ADGRL1: variants seen among roughly 807,000 people sequenced by gnomAD.
The protein encoded by ADGRL1 is adhesion G protein-coupled receptor L1.
A neutral mutation model predicts 148.9 loss-of-function variants in ADGRL1; 31 were observed. That is an observed-to-expected ratio of 0.21 (90% CI 0.16 to 0.28). ADGRL1 has a LOEUF of 0.28. ADGRL1 is among the 10% of genes least tolerant of loss of function. The pLI, the probability that ADGRL1 is intolerant of heterozygous loss-of-function variation, is 1.00. For synonymous variants in ADGRL1, 937 were observed against 900.3 expected (o/e 1.04, Z -0.73); for missense variants, 1,521 against 2,058.8 (o/e 0.74, Z 5.05).
chr19:14,152,082 T>A lies in ADGRL1; in HGVS notation c.3667+51A>T. 6.4e-7 allele frequency: 1 copy of A among 1,559,184 alleles called. No individual in the cohort carries two copies. The highest frequency in any genetic ancestry group is 8.9e-7 in the Non-Finnish European group (1 of 1,129,870). ...GTGAGGCCGTCTGAGAAGGCCACTG[T>A]CTGTCCCTCTCCCAGCCTCAGAAAC... On this transcript the variant is annotated intron_variant, in intron 22 of 22. Coordinates refer to ENST00000361434, the MANE Select transcript of ADGRL1 (RefSeq NM_014921.5). This position sits in a 1 kb window ranked among gnomAD's most constrained non-coding sequence, Gnocchi z 6.1.
At chr19:14,195,005 C>G (rs1452077141) in intron 1 of ADGRL1, among the ~76,000 whole-genome samples, 1 of 152,034 alleles carries the variant, frequency 6.6e-6, no homozygotes, top group Non-Finnish European at 1.5e-5. Context: ...CCAGCTCAGC[C>G]TCCCGAGTAG....
intron 4 of ADGRL1, among the ~76,000 whole-genome samples, chr19:14,167,609 C>T (rs1970099843): frequency 6.6e-6 from 1 of 152,148 alleles, no homozygotes; most frequent in South Asian, 2.1e-4. Context: ...TTATGCTGGC[C>T]TCACCCAGGT....
chr19:14,204,552 A>G (rs1242461057), intron 1 of ADGRL1, among the ~76,000 whole-genome samples: 2 of 152,020 alleles, frequency 1.3e-5, no homozygotes, highest in Non-Finnish European at 2.9e-5. Context: ...CTGTCCCCAA[A>G]CAGCATGGAG....
At chr19:14,180,198 C>A (rs939314551) in intron 2 of ADGRL1, among the ~76,000 whole-genome samples, 1 of 152,128 alleles carries the variant, frequency 6.6e-6, no homozygotes, top group African/African-American at 2.4e-5. Flanking sequence ...AAGGGAGTAA[C>A]TGGAAACTCC....
chr19:14,194,850 GTCTT>G (rs1443207663), intron 1 of ADGRL1, among the ~76,000 whole-genome samples: 1 of 151,038 alleles, frequency 6.6e-6, no homozygotes, highest in Non-Finnish European at 1.5e-5. Context: ...CACCTTATTT[GTCTT>G]TCTTTTTTCT....
At chr19:14,165,682 G>A (rs1969890384) in intron 4 of ADGRL1, among the ~76,000 whole-genome samples, 1 of 151,602 alleles carries the variant, frequency 6.6e-6, no homozygotes, top group Non-Finnish European at 1.5e-5. Context: ...GGGAGGGAGA[G>A]AGACTCCAGG....
At chr19:14,169,523 G>A (rs1043540313) in intron 4 of ADGRL1, 11 of 152,240 alleles carry the variant, frequency 7.2e-5, no homozygotes, top group African/African-American at 2.7e-4. Flanking sequence ...GGTGGCTGAA[G>A]GCCTCAAGCG....
chr19:14,170,792 CT>C lies in ADGRL1; in HGVS notation c.285-2del. 2.6e-6 allele frequency: 4 copies of C among 1,523,842 alleles called. No homozygotes were observed. The highest frequency in any genetic ancestry group is 3.6e-6 in the Non-Finnish European group (4 of 1,100,258). 94.4% of individuals were successfully genotyped at this position (1,523,842 alleles called of 1,614,324 possible). A position where few individuals can be genotyped will look rare whatever the true frequency, so the allele number is the denominator to read the frequency against. ...CACGCACTGGGTGCGGTTGTTACAC[CT>C]TCAGAGGAGAAACAGGGCATTGGGA... On this transcript the variant is annotated splice_acceptor_variant, in intron 3 of 22. Coordinates refer to ENST00000361434, the MANE Select transcript of ADGRL1 (RefSeq NM_014921.5). LOFTEE classifies it high-confidence loss of function.
At chr19:14,197,495 C>T (rs1972335376) in intron 1 of ADGRL1, among the ~76,000 whole-genome samples, 1 of 152,134 alleles carries the variant, frequency 6.6e-6, no homozygotes, top group South Asian at 2.1e-4. Flanking sequence ...CTCCATGGCT[C>T]CCTATTGCCT....
At chr19:14,180,505 C>G (rs1971118973) in intron 2 of ADGRL1, among the ~76,000 whole-genome samples, 1 of 152,076 alleles carries the variant, frequency 6.6e-6, no homozygotes. Context: ...ATCCGCCCGC[C>G]TGAGCCTCCC....
chr19:14,199,697 G>T, intron 1 of ADGRL1, among the ~76,000 whole-genome samples: 1 of 152,110 alleles, frequency 6.6e-6, no homozygotes, highest in South Asian at 2.1e-4. Context: ...GGGATTACAG[G>T]CACGAGCTAC....
chr19:14,202,207 C>A (rs961752429), intron 1 of ADGRL1, among the ~76,000 whole-genome samples: 1 of 151,974 alleles, frequency 6.6e-6, no homozygotes, highest in African/African-American at 2.4e-5. Flanking sequence ...GACACACATG[C>A]CTTCTCCCCA....
At chr19:14,191,622 G>A (rs932891395) in intron 1 of ADGRL1, 16 of 382,762 alleles carry the variant, frequency 4.2e-5, no homozygotes, top group African/African-American at 2.5e-4. Flanking sequence ...ATTCTCTTCC[G>A]CCTTCTCACT....
intron 1 of ADGRL1, among the ~76,000 whole-genome samples, chr19:14,187,629 C>T (rs927499080): frequency 2.7e-5 from 4 of 149,534 alleles, no homozygotes; most frequent in South Asian, 2.2e-4. Flanking sequence ...TAGACACGGC[C>T]AGTGTCACTT....
chr19:14,202,577 C>G (rs1251429356), intron 1 of ADGRL1, among the ~76,000 whole-genome samples: 1 of 152,116 alleles, frequency 6.6e-6, no homozygotes, highest in Admixed American at 6.6e-5. Flanking sequence ...GATGGAAACC[C>G]CATATGTGTT....
chr19:14,204,270 G>A (rs1972810185), intron 1 of ADGRL1, among the ~76,000 whole-genome samples: 1 of 152,204 alleles, frequency 6.6e-6, no homozygotes, highest in African/African-American at 2.4e-5. Flanking sequence ...TTAGTGGGAG[G>A]GGAGCAGGGA....
In ADGRL1 at chr19:14,158,570, G is replaced by A. The variant is rs745553396; in HGVS notation, c.2150-18C>T. 20 of 1,595,764 alleles carry A rather than the reference G, an allele frequency of 1.3e-5. 1 individual carries two copies. Among genetic ancestry groups the A allele is most frequent in the Middle Eastern group, 1.7e-4 (1 of 6,012 alleles). ...GACCACCCCTGGTGAGAACAGGCAC[G>A]TTTGGATGTGTCAGCATCCTCAGCT... On this transcript the variant is annotated intron_variant, in intron 11 of 22. Coordinates refer to ENST00000361434, the MANE Select transcript of ADGRL1 (RefSeq NM_014921.5).
At chr19:14,153,411 ATTTTTT>A (rs36035971) in intron 18 of ADGRL1, among the ~76,000 whole-genome samples, 2 of 112,322 alleles carry the variant, frequency 1.8e-5, no homozygotes, top group Admixed American at 9.5e-5. Flanking sequence ...GCAGGTTGTG[ATTTTTT>A]TTTTTTTTTT....
intron 4 of ADGRL1, 23 bp downstream of exon 4, chr19:14,170,659 G>A (rs374651015): frequency 5.5e-6 from 8 of 1,460,232 alleles, no homozygotes; most frequent in Admixed American, 3.4e-5. Context: ...GCCCGCATCC[G>A]CACAAGGAAC....
Sources: gnomAD v4.1 joint callset for allele counts (sites outside exome capture counted in the v4.1 genomes callset) on GRCh38, gnomAD v4.1.1 for gene constraint, Gnocchi (gnomAD v3.1) non-coding constraint, MANE v1.5 for transcripts, NCBI Gene and HGNC (gene_info 2026-07-23, HGNC 2026-07-21) for gene names.